The following DCAF8L2 variants were observed in gnomAD, a reference collection of about 807,000 sequenced individuals.
DCAF8L2 encodes DDB1 and CUL4 associated factor 8 like 2, also known as DDB1- and CUL4-associated factor 8-like protein 2.
For synonymous variants in DCAF8L2, 200 were observed against 190.9 expected (o/e 1.05, Z -0.39); for missense variants, 430 against 490.7 (o/e 0.88, Z 1.17).
At chrX:27,660,783 T>G (rs924483923) in intron 2 of DCAF8L2, among the ~76,000 whole-genome samples, 7 of 111,879 alleles carry the variant, frequency 6.3e-5, no homozygotes, top group Non-Finnish European at 1.1e-4. Flanking sequence ...AAGTCTCAGG[T>G]GCCGGGGAGC....
intron 1 of DCAF8L2, among the ~76,000 whole-genome samples, chrX:27,615,480 T>C (rs1927417465): frequency 9.0e-6 from 1 of 110,992 alleles, no homozygotes; most frequent in Non-Finnish European, 1.9e-5. Flanking sequence ...TTGAATTTTT[T>C]TGCATTATGA....
chrX:27,748,422 G>A lies in DCAF8L2; in HGVS notation c.1527G>A (p.Lys509=). ...CCTGCCAAATCATCCAGTTCCTAAA[G>A]GGGAGCAGAGAAGGTACAATAAACT... The part of the protein sequence containing the change: ...KSSCQIIQFL[K]GSREGTINCL... The change falls in exon 5 of 5, where the codon AAG becomes AAA. Residue 509 remains lysine, a synonymous_variant. Coordinates refer to ENST00000451261, the MANE Select transcript of DCAF8L2 (RefSeq NM_001353450.2). 4 of 1,204,194 alleles carry A rather than the reference G, an allele frequency of 3.3e-6. No homozygotes were observed. The highest frequency in any genetic ancestry group is 4.5e-6 in the Non-Finnish European group (4 of 891,183).
At chrX:27,537,937 T>C in the DCAF8L2 span, among the ~76,000 whole-genome samples, 1 of 111,957 alleles carries the variant, frequency 8.9e-6, no homozygotes, top group Admixed American at 9.5e-5. Context: ...TTCCCAATAT[T>C]ATTTCACCAT....
At chrX:27,547,203 A>T in the DCAF8L2 span, among the ~76,000 whole-genome samples, 1 of 111,873 alleles carries the variant, frequency 8.9e-6, no homozygotes, top group East Asian at 2.8e-4. Flanking sequence ...CCTCATCTCC[A>T]TTTGAGACCA....
intron 1 of DCAF8L2, among the ~76,000 whole-genome samples, chrX:27,600,586 G>T (rs1336012206): frequency 8.9e-6 from 1 of 112,094 alleles, no homozygotes; most frequent in Non-Finnish European, 1.9e-5. Flanking sequence ...CAAAGAAAGA[G>T]TTTATGACAT....
Position 27,704,279 on chromosome X carries a change from CAT to C in DCAF8L2, c.-142-11799_-142-11798del, listed in dbSNP as rs1246747987. Among the ~76,000 whole-genome samples, 15 of 83,970 alleles carry C rather than the reference CAT, an allele frequency of 1.8e-4. No homozygotes were observed. The East Asian group carries it at 2.2e-3, about 12-fold the overall frequency. The allele number at this position is 83,970 out of a possible 115,157, so 72.9% of individuals were successfully genotyped here. On this transcript the variant is annotated intron_variant, in intron 3 of 4. Coordinates refer to ENST00000451261, the MANE Select transcript of DCAF8L2 (RefSeq NM_001353450.2). ...GTACGTATATATACGTATATATGTA[CAT>C]ATATATATACATATATATGTGTGTG...
At chrX:27,735,427 A>G (rs937053749) in intron 4 of DCAF8L2, among the ~76,000 whole-genome samples, 9 of 112,280 alleles carry the variant, frequency 8.0e-5, no homozygotes, top group Non-Finnish European at 1.1e-4. Flanking sequence ...TTGTTTTGCT[A>G]CCTTCTGAAC....
chrX:27,506,345 A>G, the DCAF8L2 span, among the ~76,000 whole-genome samples: 1 of 112,001 alleles, frequency 8.9e-6, no homozygotes, highest in African/African-American at 3.2e-5. Flanking sequence ...AGATAAGTGT[A>G]GAGATATTTT....
At chrX:27,565,179 C>T in the DCAF8L2 span, among the ~76,000 whole-genome samples, 45 of 110,648 alleles carry the variant, frequency 4.1e-4, no homozygotes, top group African/African-American at 1.4e-3. Context: ...ATGACATTAG[C>T]TGTGGGTTAT....
upstream of DCAF8L2, among the ~76,000 whole-genome samples, chrX:27,588,487 C>T (rs776337153): frequency 9.0e-6 from 1 of 110,921 alleles, no homozygotes; most frequent in South Asian, 3.8e-4. Context: ...TTTTCTTTTG[C>T]GTATGTACCC....
the DCAF8L2 span, among the ~76,000 whole-genome samples, chrX:27,531,993 G>T: frequency 9.0e-6 from 1 of 110,971 alleles, no homozygotes; most frequent in East Asian, 2.8e-4. Context: ...CCTGATCAAA[G>T]AATTGGAAGT....
the DCAF8L2 span, among the ~76,000 whole-genome samples, chrX:27,548,765 C>A: frequency 8.9e-6 from 1 of 111,963 alleles, no homozygotes; most frequent in African/African-American, 3.2e-5. Context: ...TCACAATAAT[C>A]TCTATCTCCA....
the DCAF8L2 span, chrX:27,519,660 C>T: frequency 4.1e-5 from 25 of 611,194 alleles, no homozygotes; most frequent in Non-Finnish European, 5.7e-6. Flanking sequence ...GGGTAATGAA[C>T]CATAGAAGCG....
chrX:27,631,152 T>C (rs959234028), intron 1 of DCAF8L2, among the ~76,000 whole-genome samples: 5 of 111,879 alleles, frequency 4.5e-5, no homozygotes, highest in African/African-American at 6.5e-5. Context: ...AATCACATGA[T>C]CTTTTTAATA....
the DCAF8L2 span, among the ~76,000 whole-genome samples, chrX:27,482,935 T>C: frequency 9.0e-6 from 1 of 111,472 alleles, no homozygotes; most frequent in Non-Finnish European, 1.9e-5. Flanking sequence ...TAATTCAAAA[T>C]TGTATTGTTT....
the DCAF8L2 span, among the ~76,000 whole-genome samples, chrX:27,509,039 C>A: frequency 9.0e-6 from 1 of 111,148 alleles, no homozygotes; most frequent in Admixed American, 9.7e-5. Flanking sequence ...AGAATGGTCA[C>A]ACAACCTACT....
chrX:27,608,603 C>A (rs950611567), intron 1 of DCAF8L2, among the ~76,000 whole-genome samples: 1 of 111,379 alleles, frequency 9.0e-6, no homozygotes, highest in African/African-American at 3.3e-5. Flanking sequence ...AAGACCAGAA[C>A]CAATAATTAG....
rs773665212 is a variant in DCAF8L2, at chrX:27,728,149, A to G, written c.-59+11978A>G. 4.5e-5 allele frequency among the ~76,000 whole-genome samples: 5 copies of G among 111,606 alleles called. No homozygotes were observed. The South Asian group carries it at 1.9e-3, about 42-fold the overall frequency. Reference sequence around the variant, plus strand: ...AATATGCAACACAGAACTGCCGATGAGTTAATGCACCTTAGGGAGGTTCAA... The same window carrying G: ...AATATGCAACACAGAACTGCCGATGGGTTAATGCACCTTAGGGAGGTTCAA... On this transcript the variant is annotated intron_variant, in intron 4 of 4. Coordinates refer to ENST00000451261, the MANE Select transcript of DCAF8L2 (RefSeq NM_001353450.2).
chrX:27,713,443 G>T (rs748718530), intron 3 of DCAF8L2, among the ~76,000 whole-genome samples: 5 of 111,267 alleles, frequency 4.5e-5, no homozygotes, highest in Non-Finnish European at 9.4e-5. Flanking sequence ...AACTCTTCAG[G>T]AGATTCAAGA....
Sources: gnomAD v4.1 joint callset for allele counts (sites outside exome capture counted in the v4.1 genomes callset) on GRCh38, gnomAD v4.1.1 for gene constraint, MANE v1.5 for transcripts, NCBI Gene and HGNC (gene_info 2026-07-23, HGNC 2026-07-21) for gene names.